Variants in SLC24A2 observed in about 807,000 individuals in gnomAD.
SLC24A2 encodes sodium/potassium/calcium exchanger 2.
Under a neutral mutation model 62.0 loss-of-function variants are expected in SLC24A2, and 36 were observed. The observed-to-expected ratio is 0.58, with a 90% CI of 0.44 to 0.77. The LOEUF is 0.77. SLC24A2 is among the 30% of genes least tolerant of loss of function. The probability of loss-of-function intolerance (pLI) is 0.00; values close to 1 mark genes in which losing one functional copy is unlikely to be tolerated. For missense variants in SLC24A2, 846 were observed against 817.9 expected (o/e 1.03, Z -0.42); for synonymous variants, 358 against 294.0 (o/e 1.22, Z -2.23).
chr9:20,258,791 T>C, the SLC24A2 span, among the ~76,000 whole-genome samples: 2 of 128,784 alleles, frequency 1.6e-5, no homozygotes, highest in Non-Finnish European at 3.1e-5. Flanking sequence ...TATCTATCTA[T>C]CTATCTATCT....
At chr9:19,884,807 C>T in the SLC24A2 span, among the ~76,000 whole-genome samples, 2 of 152,090 alleles carry the variant, frequency 1.3e-5, no homozygotes, top group Non-Finnish European at 2.9e-5. Flanking sequence ...TGATTTTGCC[C>T]AACAGTAGGC....
chr9:20,278,172 C>T, the SLC24A2 span, among the ~76,000 whole-genome samples: 1 of 152,098 alleles, frequency 6.6e-6, no homozygotes, highest in Non-Finnish European at 1.5e-5. Context: ...CAACATGGCA[C>T]ATGTATACAT....
the SLC24A2 span, among the ~76,000 whole-genome samples, chr9:19,837,458 C>A: frequency 4.5e-5 from 1 of 22,348 alleles, no homozygotes. Context: ...GACTCCGTCT[C>A]AAAAAAAAAA....
chr9:19,657,906 T>A (rs900686787), intron 2 of SLC24A2, among the ~76,000 whole-genome samples: 5 of 152,048 alleles, frequency 3.3e-5, no homozygotes, highest in Non-Finnish European at 7.4e-5. Context: ...TAAAAAAAAA[T>A]TTCTGTAGAG....
At chr9:19,641,267 C>A (rs1384432801) in intron 2 of SLC24A2, among the ~76,000 whole-genome samples, 1 of 152,256 alleles carries the variant, frequency 6.6e-6, no homozygotes, top group African/African-American at 2.4e-5. Flanking sequence ...TGTTCTCACA[C>A]AATCCCTTGG....
At chr9:19,711,124 C>T (rs1171476510) in intron 2 of SLC24A2, among the ~76,000 whole-genome samples, 1 of 152,146 alleles carries the variant, frequency 6.6e-6, no homozygotes, top group Non-Finnish European at 1.5e-5. Context: ...AGGGTCACTG[C>T]ATTTCTATTT....
the SLC24A2 span, among the ~76,000 whole-genome samples, chr9:20,140,502 G>A: frequency 0.042 from 6,419 of 152,202 alleles, 429 homozygotes; most frequent in African/African-American, 0.14. Context: ...GGAAAGCATA[G>A]ACCATTGTAT....
chr9:19,822,963 T>G, the SLC24A2 span, among the ~76,000 whole-genome samples: 1 of 151,864 alleles, frequency 6.6e-6, no homozygotes, highest in African/African-American at 2.4e-5. Context: ...TTCTCAGGAG[T>G]CAGAGCTGCA....
the SLC24A2 span, among the ~76,000 whole-genome samples, chr9:20,171,302 A>C: frequency 8.3e-6 from 1 of 120,274 alleles, no homozygotes; most frequent in Non-Finnish European, 1.8e-5. Flanking sequence ...TAAAAAATAC[A>C]ATAAAAAAAA....
the SLC24A2 span, among the ~76,000 whole-genome samples, chr9:19,975,811 A>G: frequency 6.6e-6 from 1 of 151,824 alleles, no homozygotes; most frequent in East Asian, 1.9e-4. Context: ...GTGGCCCTCC[A>G]TATCTGTGGG....
At chr9:19,949,403 G>T in the SLC24A2 span, among the ~76,000 whole-genome samples, 1 of 152,190 alleles carries the variant, frequency 6.6e-6, no homozygotes, top group Non-Finnish European at 1.5e-5. Context: ...AGCAAAAGAA[G>T]ATAGAGGGAA....
chr9:19,619,629 T>A lies in SLC24A2; in HGVS notation c.1033A>T (p.Ser345Cys), dbSNP rs1156909663. 6.2e-7 allele frequency: 1 copy of A among 1,614,094 alleles called. No individual in the cohort carries two copies. The highest frequency in any genetic ancestry group is 1.1e-5 in the South Asian group (1 of 91,084). Residue 345 changes from serine (S) to cysteine (C), a missense_variant, in exon 4 of 11, where the codon AGC becomes TGC. Physicochemically the swap from Ser to Cys is moderately radical, Grantham distance 112 (BLOSUM62 -1). Coordinates refer to ENST00000341998, the MANE Select transcript of SLC24A2 (RefSeq NM_020344.4). ...GTGTGTATCATGAGTTGGAAGATGCTATTCCTCATGAGACTGTTGTGGAGG... is the reference window on the plus strand; with the variant it reads ...GTGTGTATCATGAGTTGGAAGATGCAATTCCTCATGAGACTGTTGTGGAGG... ...ASLHNSLMRN[S>C]IFQLMIHTLD... is the part of the protein sequence containing the mutation.
At chr9:19,741,924 G>A (rs1425150700) in intron 2 of SLC24A2, among the ~76,000 whole-genome samples, 2 of 152,074 alleles carry the variant, frequency 1.3e-5, no homozygotes, top group Non-Finnish European at 2.9e-5. Flanking sequence ...TATGACTATT[G>A]AAAATTAAAT....
At chr9:19,674,668 T>G (rs927964388) in intron 2 of SLC24A2, among the ~76,000 whole-genome samples, 3 of 152,238 alleles carry the variant, frequency 2.0e-5, no homozygotes, top group Non-Finnish European at 4.4e-5. Context: ...GACTTTCCAG[T>G]GCATTTTGCA....
chr9:19,774,937 AAC>A (rs2118906026), intron 2 of SLC24A2, among the ~76,000 whole-genome samples: 1 of 152,354 alleles, frequency 6.6e-6, no homozygotes, highest in African/African-American at 2.4e-5. Flanking sequence ...TTAACAGAGA[AAC>A]ACAGAGTTAT....
the SLC24A2 span, among the ~76,000 whole-genome samples, chr9:20,299,575 G>A: frequency 1.7e-4 from 26 of 152,208 alleles, no homozygotes; most frequent in African/African-American, 6.0e-4. Context: ...TAGCCAGGAA[G>A]GGGAGGTTCC....
chr9:19,998,355 A>G, the SLC24A2 span, among the ~76,000 whole-genome samples: 9 of 152,184 alleles, frequency 5.9e-5, no homozygotes, highest in African/African-American at 2.2e-4. Context: ...TTCTGGCAGC[A>G]GTACTTCCTG....
intron 2 of SLC24A2, among the ~76,000 whole-genome samples, chr9:19,649,755 T>C (rs897458708): frequency 3.3e-5 from 5 of 152,214 alleles, no homozygotes; most frequent in Non-Finnish European, 4.4e-5. Flanking sequence ...AGAAATAAGA[T>C]TTAACTACTG....
chr9:19,962,159 G>A, the SLC24A2 span, among the ~76,000 whole-genome samples: 1 of 152,022 alleles, frequency 6.6e-6, no homozygotes. Flanking sequence ...TTATGTGTTG[G>A]GCAGTGTGAC....
Sources: allele counts gnomAD v4.1 joint callset (sites outside exome capture counted in the v4.1 genomes callset), GRCh38; gene constraint gnomAD v4.1.1; transcripts MANE v1.5; gene names NCBI Gene and HGNC (gene_info 2026-07-23, HGNC 2026-07-21).